Variants in SFMBT1 observed in about 807,000 individuals in gnomAD.
The protein encoded by SFMBT1 is Scm like with four mbt domains 1.
A neutral mutation model predicts 108.7 loss-of-function variants in SFMBT1; 32 were observed. That is an observed-to-expected ratio of 0.29 (90% CI 0.22 to 0.40). The LOEUF (loss-of-function observed/expected upper bound fraction) is 0.40, where lower values mean the gene tolerates loss of function less well. Among genes scored for constraint, SFMBT1 ranks in the 10% least tolerant of loss-of-function variants. The pLI is 1.00. For synonymous variants in SFMBT1, 348 were observed against 369.5 expected, an observed-to-expected ratio of 0.94 and a Z score of 0.67; for missense variants, 816 against 1,059.6, an observed-to-expected ratio of 0.77 and a Z score of 3.19.
At chr3:52,916,256 A>G (rs767029497) in intron 13 of SFMBT1, 42 bp from the exon 14 acceptor site, 1 of 1,565,578 alleles carries the variant, frequency 6.4e-7, no homozygotes, top group Non-Finnish European at 8.8e-7. Context: ...ATAATTCTTA[A>G]GATCAGTAAA....
At chr3:52,937,386 T>C (rs758381278) in intron 4 of SFMBT1, among the ~76,000 whole-genome samples, 20 of 152,176 alleles carry the variant, frequency 1.3e-4, no homozygotes, top group Non-Finnish European at 2.9e-4. Context: ...AAGCTCCATA[T>C]ACAGTTAGGT....
intron 1 of SFMBT1, among the ~76,000 whole-genome samples, chr3:52,979,521 A>G (rs1211396204): frequency 6.6e-6 from 1 of 152,172 alleles, no homozygotes; most frequent in Non-Finnish European, 1.5e-5. Flanking sequence ...CATGGGACAG[A>G]CCTAAAAGTG....
At position 52,984,117 on chromosome 3, in the gene SFMBT1, A is replaced by C. The variant is rs1016279257; in HGVS notation, c.-130-14859T>G. ...CTGACTGAAGTTTCTGGCTTAAGCA[A>C]CTGGAAGGATAGAACTGCCACTTAT... On this transcript the variant is annotated intron_variant, in intron 1 of 20. Transcript: ENST00000394752. Among the ~76,000 whole-genome samples the C allele has an allele frequency of 8.5e-5, 13 of 152,198 alleles. 1 individual carries two copies. Among genetic ancestry groups the C allele is most frequent in the Non-Finnish European group, 1.6e-4 (11 of 68,036 alleles).
intron 1 of SFMBT1, among the ~76,000 whole-genome samples, chr3:52,991,050 C>A (rs992303853): frequency 6.7e-6 from 1 of 148,814 alleles, no homozygotes; most frequent in Non-Finnish European, 1.5e-5. Context: ...AGCAACTATA[C>A]CTAGCACTGC....
chr3:53,001,020 G>C (rs1316428139), intron 1 of SFMBT1, among the ~76,000 whole-genome samples: 1 of 147,710 alleles, frequency 6.8e-6, no homozygotes, highest in Non-Finnish European at 1.5e-5. Flanking sequence ...TGGATATTTG[G>C]ATGTTCATCT....
At chr3:52,991,638 C>G (rs1575423996) in intron 1 of SFMBT1, among the ~76,000 whole-genome samples, 1 of 152,168 alleles carries the variant, frequency 6.6e-6, no homozygotes, top group African/African-American at 2.4e-5. Flanking sequence ...GCCACCTCGC[C>G]CAGCCTGCAC....
intron 1 of SFMBT1, among the ~76,000 whole-genome samples, chr3:52,991,997 A>G (rs1305600719): frequency 6.6e-6 from 1 of 152,188 alleles, no homozygotes; most frequent in Non-Finnish European, 1.5e-5. Flanking sequence ...GTGTTCCAAC[A>G]CCATCAATGA....
At chr3:52,974,386 C>T (rs1704444760) in intron 1 of SFMBT1, among the ~76,000 whole-genome samples, 1 of 152,166 alleles carries the variant, frequency 6.6e-6, no homozygotes, top group South Asian at 2.1e-4. Flanking sequence ...GTGGTAGAGT[C>T]ACCTTATATT....
intron 1 of SFMBT1, among the ~76,000 whole-genome samples, chr3:53,024,205 C>T (rs1023706808): frequency 6.6e-6 from 1 of 152,134 alleles, no homozygotes; most frequent in South Asian, 2.1e-4. Context: ...GTGTCACAGT[C>T]GGGTGGTGTG....
intron 1 of SFMBT1, among the ~76,000 whole-genome samples, chr3:53,024,791 G>A (rs1441987926): frequency 1.3e-5 from 2 of 152,108 alleles, no homozygotes; most frequent in African/African-American, 4.8e-5. Context: ...CAGAAACTTC[G>A]AAGGGACTCC....
At chr3:52,928,449 A>G in intron 8 of SFMBT1, 108 bp from the exon 9 acceptor site, 1 of 1,131,556 alleles carries the variant, frequency 8.8e-7, no homozygotes, top group Non-Finnish European at 1.2e-6. Context: ...GTGGGTATTA[A>G]TAATACTAAA....
At chr3:53,025,477 C>T (rs1329198035) in intron 1 of SFMBT1, among the ~76,000 whole-genome samples, 2 of 152,000 alleles carry the variant, frequency 1.3e-5, no homozygotes, top group Non-Finnish European at 2.9e-5. Flanking sequence ...ATTAGCCAGG[C>T]ATGGTGGCAC....
At chr3:52,945,142 A>AAAAAAAAAAAAAAAAAAAAAAAAAAAC (rs1559521034) in intron 3 of SFMBT1, among the ~76,000 whole-genome samples, 5 of 147,026 alleles carry the variant, frequency 3.4e-5, no homozygotes, top group Admixed American at 2.1e-4. Context: ...CAATTAAAAA[A>AAAAAAAAAAAAAAAAAAAAAAAAAAAC]AAAAAAAAAC....
intron 4 of SFMBT1, among the ~76,000 whole-genome samples, chr3:52,940,936 C>A (rs893040436): frequency 6.6e-6 from 1 of 152,162 alleles, no homozygotes; most frequent in Non-Finnish European, 1.5e-5. Context: ...CAAAAGTGAA[C>A]AACCTGAATG....
At chr3:52,910,316 A>G (rs1702185543) in intron 17 of SFMBT1, among the ~76,000 whole-genome samples, 1 of 152,170 alleles carries the variant, frequency 6.6e-6, no homozygotes, top group Non-Finnish European at 1.5e-5. Context: ...AATGAGCACA[A>G]AATATATACT....
Position 52,904,731 on chromosome 3 carries a change from C to G in SFMBT1, c.*405G>C, listed in dbSNP as rs186732069. ...TGACTTAAAGCTAAGTCCTCTCTTT[C>G]CAAGAAAAAGAAAGCAGAGAACAAA... is the stretch of plus-strand genomic sequence containing the variant. On this transcript the variant is annotated 3_prime_UTR_variant, in exon 21 of 21. Coordinates refer to ENST00000394752, the MANE Select transcript of SFMBT1 (RefSeq NM_016329.4). 6.2e-6 allele frequency: 1 copy of G among 161,902 alleles called. No individual in the cohort carries two copies. Among genetic ancestry groups the G allele is most frequent in the East Asian group, 1.8e-4 (1 of 5,476 alleles). 10.0% of individuals were successfully genotyped at this position (161,902 alleles called of 1,614,324 possible). A position where few individuals can be genotyped will look rare whatever the true frequency, so the allele number is the denominator to read the frequency against.
At chr3:52,924,534 C>T (rs1334317595) in intron 10 of SFMBT1, among the ~76,000 whole-genome samples, 1 of 152,004 alleles carries the variant, frequency 6.6e-6, no homozygotes, top group Non-Finnish European at 1.5e-5. Context: ...TCCAGCTACT[C>T]AGGAGGGTGA....
chr3:52,922,092 C>A (rs1052093094), intron 10 of SFMBT1, among the ~76,000 whole-genome samples: 3 of 152,282 alleles, frequency 2.0e-5, no homozygotes, highest in African/African-American at 4.8e-5. Context: ...AGCTGTATAA[C>A]CTCTTTTTGC....
At position 52,932,164 on chromosome 3, in the gene SFMBT1, C is replaced by G; in HGVS notation, c.598G>C (p.Glu200Gln). Residue 200 changes from glutamate (E) to glutamine (Q), a missense_variant, in exon 6 of 21, where the codon GAA becomes CAA. Physicochemically the swap from Glu to Gln is conservative, Grantham distance 29. Transcript: ENST00000394752. ...CAATGTTCATAATTGTCAGAACTTT[C>G]AAGTCCTTCATAACGTAGCTTCAGC... ...GRLKLRYEGLESSDNYEHWLY... is the reference protein window; with the variant it reads ...GRLKLRYEGLQSSDNYEHWLY... 2 of 1,614,156 alleles carry G rather than the reference C, an allele frequency of 1.2e-6. No individual in the cohort carries two copies. The highest frequency in any genetic ancestry group is 2.2e-5 in the East Asian group (1 of 44,868).
Sources: allele counts gnomAD v4.1 joint callset (sites outside exome capture counted in the v4.1 genomes callset), GRCh38; gene constraint gnomAD v4.1.1; transcripts MANE v1.5; gene names NCBI Gene and HGNC (gene_info 2026-07-23, HGNC 2026-07-21).